RGPD4: variants seen among roughly 807,000 people sequenced by gnomAD.
RGPD4 encodes the protein RANBP2 like and GRIP domain containing 4.
In RGPD4, 84 loss-of-function variants were observed where a neutral mutation model predicts 141.1. The ratio of observed to expected loss-of-function variants is 0.60; its 90% CI spans 0.50 to 0.71. RGPD4 has a LOEUF of 0.71. Ranked by LOEUF, RGPD4 falls within the 30% of genes least tolerant of loss-of-function variation. The pLI, the probability that RGPD4 is intolerant of heterozygous loss-of-function variation, is 0.00. For synonymous variants in RGPD4, 298 were observed against 566.8 expected, an observed-to-expected ratio of 0.53 and a Z score of 6.74; for missense variants, 918 against 1,622.4, an observed-to-expected ratio of 0.57 and a Z score of 7.46.
At chr2:107,889,737 ATAAG>A (rs1356774347) in intron 22 of RGPD4, among the ~76,000 whole-genome samples, 3 of 150,410 alleles carry the variant, frequency 2.0e-5, no homozygotes, top group African/African-American at 7.3e-5. Flanking sequence ...AGGTTTTACT[ATAAG>A]TAAGTTGTAC....
chr2:107,880,357 A>G (rs1675322939), intron 21 of RGPD4, among the ~76,000 whole-genome samples: 1 of 123,880 alleles, frequency 8.1e-6, no homozygotes, highest in Non-Finnish European at 1.6e-5. Context: ...TCCACCTCCC[A>G]GGTTCACGCC....
chr2:107,829,591 G>T (rs558401188), intron 1 of RGPD4, among the ~76,000 whole-genome samples: 1 of 140,024 alleles, frequency 7.1e-6, no homozygotes, highest in South Asian at 2.1e-4. Flanking sequence ...GGCTCCCGAC[G>T]GGCGCTGCTC....
At chr2:107,884,148 T>A (rs1675443043) in intron 22 of RGPD4, among the ~76,000 whole-genome samples, 1 of 151,938 alleles carries the variant, frequency 6.6e-6, no homozygotes, top group Non-Finnish European at 1.5e-5. Flanking sequence ...TGTTGCTCTG[T>A]CACCCTGGCT....
intron 20 of RGPD4, among the ~76,000 whole-genome samples, chr2:107,873,212 G>A (rs1370759655): frequency 5.0e-5 from 3 of 60,492 alleles, no homozygotes; most frequent in African/African-American, 2.3e-4. Flanking sequence ...TGAATCATGC[G>A]CATTAACGTG....
chr2:107,846,342 A>G (rs911360340), intron 6 of RGPD4, among the ~76,000 whole-genome samples: 44 of 151,942 alleles, frequency 2.9e-4, no homozygotes, highest in African/African-American at 9.2e-4. Flanking sequence ...CTGGGATTGC[A>G]GGTCTGAGCC....
At chr2:107,835,052 C>A (rs2104406276) in intron 1 of RGPD4, among the ~76,000 whole-genome samples, 1 of 13,496 alleles carries the variant, frequency 7.4e-5, no homozygotes, top group East Asian at 5.1e-4. Context: ...ATGGATGGAA[C>A]ATACTCTGGT....
At chr2:107,830,030 C>G (rs1344476840) in intron 1 of RGPD4, among the ~76,000 whole-genome samples, 7 of 152,022 alleles carry the variant, frequency 4.6e-5, no homozygotes, top group Non-Finnish European at 1.0e-4. Context: ...AATGGCCGGA[C>G]GGCGCAAATG....
At chr2:107,881,949 C>T (rs2433699) in intron 21 of RGPD4, among the ~76,000 whole-genome samples, 5 of 151,834 alleles carry the variant, frequency 3.3e-5, no homozygotes, top group Admixed American at 2.0e-4. Context: ...TCAGGAACAG[C>T]GTAGGGGCAG....
intron 9 of RGPD4, among the ~76,000 whole-genome samples, chr2:107,857,874 C>T (rs1440067055): frequency 1.3e-5 from 2 of 151,828 alleles, no homozygotes; most frequent in African/African-American, 2.4e-5. Context: ...TGCCTGTAGT[C>T]CCTACTCAGG....
chr2:107,846,190 T>C (rs1396926547), intron 6 of RGPD4, among the ~76,000 whole-genome samples: 3 of 149,896 alleles, frequency 2.0e-5, no homozygotes, highest in African/African-American at 7.5e-5. Context: ...CCTCCCAAAG[T>C]GCTGGGATTA....
chr2:107,873,301 G>A (rs543411341), intron 20 of RGPD4, among the ~76,000 whole-genome samples: 4 of 103,720 alleles, frequency 3.9e-5, no homozygotes, highest in Non-Finnish European at 8.0e-5. Context: ...GGCTGGGCAC[G>A]GTGGCTCACT....
At chr2:107,863,922 A>G (rs1179354472) in intron 17 of RGPD4, among the ~76,000 whole-genome samples, 1 of 151,198 alleles carries the variant, frequency 6.6e-6, no homozygotes, top group Non-Finnish European at 1.5e-5. Context: ...TTCCCGAGTG[A>G]TTGAACTGCT....
rs188700659 is a variant in RGPD4, at chr2:107,830,372, C to G, written c.72+3287C>G. ...AAAAAAAAAAAAAGCATGTTTAGAG[C>G]CTTTCTGAGATTCTTAGTGGGGACC... On this transcript the variant is annotated intron_variant, in intron 1 of 22. Coordinates refer to ENST00000408999, the MANE Select transcript of RGPD4 (RefSeq NM_182588.3). 5.9e-3 allele frequency among the ~76,000 whole-genome samples: 866 copies of G among 146,226 alleles called. 9 individuals carry two copies. The highest frequency in any genetic ancestry group is 0.02 in the African/African-American group (808 of 39,520).
chr2:107,854,245 G>T (rs1682222264), intron 7 of RGPD4, among the ~76,000 whole-genome samples: 1 of 145,578 alleles, frequency 6.9e-6, no homozygotes, highest in African/African-American at 2.6e-5. Context: ...TTTATTTTTA[G>T]TAGAGACTGG....
chr2:107,870,823 CT>C lies in RGPD4; in HGVS notation c.2820del (p.Glu942LysfsTer20), dbSNP rs746948460. On this transcript the variant is annotated frameshift_variant, in exon 20 of 23. Transcript: ENST00000408999. LOFTEE classifies it high-confidence loss of function. ...AATCAAGAAAAGGAAAGTGAAAAGC[CT>C]CTTGAAAATGATACTGGCTTCCAGG... Reference protein sequence around the residue: ...PGNQEKESEKPLENDTGFQAQ... With the variant: ...PGNQEKESEKXLENDTGFQAQ... The C allele has an allele frequency of 6.2e-7, 1 of 1,608,694 alleles. No homozygotes were observed. The highest frequency in any genetic ancestry group is 1.1e-5 in the South Asian group (1 of 90,710).
Position 107,826,998 on chromosome 2 carries a change from C to T in RGPD4, c.-16C>T, listed in dbSNP as rs557541560. ...GCGCTGGTTTCACGCGTCTCGGGAG[C>T]CAGGTTGGTGGCGCGATGAGTTGCA... On this transcript the variant is annotated 5_prime_UTR_variant, in exon 1 of 23. Transcript: ENST00000408999. The T allele has an allele frequency of 1.1e-4, 176 of 1,593,928 alleles. 3 individuals are homozygous for T. The South Asian group carries it at 1.9e-3, about 18-fold the overall frequency.
At chr2:107,877,674 C>G (rs1385769370) in intron 20 of RGPD4, among the ~76,000 whole-genome samples, 1 of 151,308 alleles carries the variant, frequency 6.6e-6, no homozygotes, top group Non-Finnish European at 1.5e-5. Flanking sequence ...GTTTGGCCCT[C>G]TACTCTAAAT....
intron 6 of RGPD4, among the ~76,000 whole-genome samples, chr2:107,845,798 T>C (rs1681910282): frequency 6.6e-6 from 1 of 152,040 alleles, no homozygotes; most frequent in Non-Finnish European, 1.5e-5. Context: ...TCTCCTGACC[T>C]CGTGATCTGC....
chr2:107,878,012 C>T (rs1423348219), intron 20 of RGPD4, among the ~76,000 whole-genome samples: 2 of 151,072 alleles, frequency 1.3e-5, no homozygotes, highest in Non-Finnish European at 2.9e-5. Flanking sequence ...AGGGTTTCAC[C>T]ATCTTGGCCA....
Sources: allele counts gnomAD v4.1 joint callset (sites outside exome capture counted in the v4.1 genomes callset), GRCh38; gene constraint gnomAD v4.1.1; transcripts MANE v1.5; gene names NCBI Gene and HGNC (gene_info 2026-07-23, HGNC 2026-07-21).